Variants in TRPM6 observed in about 807,000 individuals in gnomAD.
TRPM6 encodes channel kinase 2.
Under a neutral mutation model 247.6 loss-of-function variants are expected in TRPM6, and 111 were observed. The ratio of observed to expected loss-of-function variants is 0.45; its 90% CI spans 0.38 to 0.52. The LOEUF is 0.52. Ranked by LOEUF, TRPM6 falls within the 20% of genes least tolerant of loss-of-function variation. The probability of loss-of-function intolerance (pLI) is 0.00; values close to 1 mark genes in which losing one functional copy is unlikely to be tolerated. For missense variants in TRPM6, 2,126 were observed against 2,421.5 expected, an observed-to-expected ratio of 0.88 and a Z score of 2.56; for synonymous variants, 892 against 853.8, an observed-to-expected ratio of 1.04 and a Z score of -0.78.
chr9:74,843,814 C>CA (rs542444347), intron 3 of TRPM6, among the ~76,000 whole-genome samples: 2,130 of 61,836 alleles, frequency 0.034, 71 homozygotes, highest in African/African-American at 0.091. Context: ...GACTCCATCT[C>CA]AAAAAAAAAA....
At chr9:74,852,914 C>CAG (rs1830388395) in intron 3 of TRPM6, among the ~76,000 whole-genome samples, 2 of 152,198 alleles carry the variant, frequency 1.3e-5, no homozygotes, top group African/African-American at 4.8e-5. Context: ...AGCAGCCACC[C>CAG]CGTCTGGGAA....
rs532959726 is a variant in TRPM6 at position 74,868,411 on chromosome 9, T to A, written c.34-9663A>T. Among the ~76,000 whole-genome samples the A allele has an allele frequency of 5.3e-4, 81 of 151,500 alleles. No homozygotes were observed. The South Asian group carries it at 6.7e-3, about 13-fold the overall frequency. Reference sequence around the variant, plus strand: ...TCGGGAGGCTGAGGCAGGAGAATCATTTGAACCCAGGAGGTGGAGGTTGCA... The same window carrying A: ...TCGGGAGGCTGAGGCAGGAGAATCAATTGAACCCAGGAGGTGGAGGTTGCA... On this transcript the variant is annotated intron_variant, in intron 1 of 38. Coordinates refer to ENST00000360774, the MANE Select transcript of TRPM6 (RefSeq NM_017662.5).
intron 1 of TRPM6, among the ~76,000 whole-genome samples, chr9:74,874,983 T>A (rs1831149509): frequency 6.6e-6 from 1 of 151,550 alleles, no homozygotes; most frequent in African/African-American, 2.4e-5. Context: ...CAGGCTGGTC[T>A]CAAACTCCTG....
chr9:74,821,629 C>A, intron 8 of TRPM6, 40 bp downstream of exon 8: 1 of 1,611,668 alleles, frequency 6.2e-7, no homozygotes, highest in African/African-American at 1.3e-5. Flanking sequence ...GAGGAATAAA[C>A]AGCCCCTATA....
At chr9:74,832,644 G>A (rs7043688) in intron 6 of TRPM6, among the ~76,000 whole-genome samples, 3,163 of 152,288 alleles carry the variant, frequency 0.021, 103 homozygotes, top group African/African-American at 0.07. Context: ...GGGAAGAGGC[G>A]AAACAAAATT....
chr9:74,748,593 A>C (rs576136779), intron 30 of TRPM6, among the ~76,000 whole-genome samples: 1 of 152,320 alleles, frequency 6.6e-6, no homozygotes, highest in East Asian at 1.9e-4. Flanking sequence ...ATATTTTTAA[A>C]AAGTGTAAGA....
chr9:74,800,203 T>C (rs1564020518), intron 17 of TRPM6, 51 bp downstream of exon 17: 11 of 1,540,820 alleles, frequency 7.1e-6, no homozygotes, highest in Non-Finnish European at 9.9e-6. Context: ...GAGTACAGAA[T>C]TTTATACAAG....
intron 13 of TRPM6, 140 bp from the exon 14 acceptor site, chr9:74,808,314 G>A: frequency 9.4e-7 from 1 of 1,065,388 alleles, no homozygotes; most frequent in Non-Finnish European, 1.4e-6. Flanking sequence ...ATTAATTTAA[G>A]TGACCAGCCA....
chr9:74,732,757 T>C (rs1825565426), intron 36 of TRPM6, 21 bp from the exon 37 acceptor site: 1 of 1,593,814 alleles, frequency 6.3e-7, no homozygotes, highest in East Asian at 2.2e-5. Context: ...GAAACAAAAT[T>C]CGTTTAGCAA....
rs774975151 is a variant in TRPM6, at chr9:74,842,217, A to G, written c.279T>C (p.Asp93=). Residue 93 remains aspartate (D), a synonymous_variant, in exon 4 of 39, where the codon GAT becomes GAC. Coordinates refer to ENST00000360774, the MANE Select transcript of TRPM6 (RefSeq NM_017662.5). ...VEKHTTKSPT[D]TFGTINFQDG... is the part of the protein sequence containing the mutation. ...CTTGGAAATTAATCGTGCCAAAAGTATCTGTTGGGCTTTTCGTTGTGTGCT... is the reference window on the plus strand; with the variant it reads ...CTTGGAAATTAATCGTGCCAAAAGTGTCTGTTGGGCTTTTCGTTGTGTGCT... 9.9e-6 allele frequency: 16 copies of G among 1,613,952 alleles called. No individual in the cohort carries two copies. The highest frequency in any genetic ancestry group is 1.7e-5 in the Admixed American group (1 of 59,978).
chr9:74,877,470 A>T (rs1831229228), intron 1 of TRPM6, among the ~76,000 whole-genome samples: 1 of 152,144 alleles, frequency 6.6e-6, no homozygotes, highest in Admixed American at 6.5e-5. Context: ...ACTGAGTTCC[A>T]CGCACACTAT....
intron 3 of TRPM6, among the ~76,000 whole-genome samples, chr9:74,846,975 C>T (rs1830130171): frequency 6.6e-6 from 1 of 152,186 alleles, no homozygotes; most frequent in Admixed American, 6.5e-5. Flanking sequence ...CTACAAACCA[C>T]ACATGGCTCC....
intron 20 of TRPM6, 45 bp from the exon 21 acceptor site, chr9:74,786,170 A>C (rs1827656821): frequency 6.2e-7 from 1 of 1,605,930 alleles, no homozygotes; most frequent in Non-Finnish European, 8.5e-7. Context: ...GTACAACCAA[A>C]GAATCCCATC....
At chr9:74,826,198 C>T (rs1829324167) in intron 7 of TRPM6, among the ~76,000 whole-genome samples, 1 of 152,192 alleles carries the variant, frequency 6.6e-6, no homozygotes, top group African/African-American at 2.4e-5. Context: ...ATTGTCACAA[C>T]AAACGTTAGA....
At chr9:74,783,028 A>G (rs1827518343) in intron 21 of TRPM6, among the ~76,000 whole-genome samples, 175 bp from the exon 22 acceptor site, 1 of 152,236 alleles carries the variant, frequency 6.6e-6, no homozygotes, top group African/African-American at 2.4e-5. Flanking sequence ...TTGTTTTCTC[A>G]CACAGTATGC....
chr9:74,776,203 A>G, intron 23 of TRPM6, 127 bp from the exon 24 acceptor site: 1 of 798,634 alleles, frequency 1.3e-6, no homozygotes. Flanking sequence ...TACAAATACT[A>G]TCCACGTGTT....
intron 33 of TRPM6, 40 bp downstream of exon 33, chr9:74,742,521 T>C: frequency 1.9e-6 from 3 of 1,573,230 alleles, no homozygotes; most frequent in Non-Finnish European, 2.6e-6. Context: ...TTTATGCCTC[T>C]GTCCTGGCAT....
At chr9:74,853,098 C>A (rs1347309719) in intron 3 of TRPM6, among the ~76,000 whole-genome samples, 3 of 151,688 alleles carry the variant, frequency 2.0e-5, no homozygotes, top group African/African-American at 7.3e-5. Flanking sequence ...CTCTGCCCGG[C>A]CGCGACCCCG....
At position 74,785,746 on chromosome 9, in the gene TRPM6, A is replaced by C. The variant is rs543251524; in HGVS notation, c.2919+128T>G. 121 of 1,013,068 alleles carry C rather than the reference A, an allele frequency of 1.2e-4. 1 individual carries two copies. The South Asian group carries it at 1.5e-3, about 12-fold the overall frequency. 62.8% of individuals were successfully genotyped at this position (1,013,068 alleles called of 1,614,324 possible). A position where few individuals can be genotyped will look rare whatever the true frequency, so the allele number is the denominator to read the frequency against. On this transcript the variant is annotated intron_variant, in intron 21 of 38. Transcript: ENST00000360774. Reference sequence around the variant, plus strand: ...CACCCTGTTAGCCAGGATGTTCTTGATCTCCTGACCTTGTGATCCGCCCGC... The same window carrying C: ...CACCCTGTTAGCCAGGATGTTCTTGCTCTCCTGACCTTGTGATCCGCCCGC...
Sources: gnomAD v4.1 joint callset for allele counts (sites outside exome capture counted in the v4.1 genomes callset) on GRCh38, gnomAD v4.1.1 for gene constraint, MANE v1.5 for transcripts, NCBI Gene and HGNC (gene_info 2026-07-23, HGNC 2026-07-21) for gene names.